Variants in CSNK1G1 observed in about 807,000 individuals in gnomAD.
CSNK1G1 encodes the protein casein kinase 1 gamma 1, also known as casein kinase I isoform gamma-1.
In CSNK1G1, 22 loss-of-function variants were observed where a neutral mutation model predicts 59.6. The ratio of observed to expected loss-of-function variants is 0.37; its 90% CI spans 0.26 to 0.53. The LOEUF (loss-of-function observed/expected upper bound fraction) is 0.53. CSNK1G1 is among the 20% of genes least tolerant of loss of function. The pLI is 0.89. For synonymous variants in CSNK1G1, 179 were observed against 177.1 expected, an observed-to-expected ratio of 1.01 and a Z score of -0.08; for missense variants, 384 against 519.5, an observed-to-expected ratio of 0.74 and a Z score of 2.54.
chr15:64,238,512 A>ATATAT (rs1555396850), intron 4 of CSNK1G1, among the ~76,000 whole-genome samples: 3 of 114,064 alleles, frequency 2.6e-5, no homozygotes, highest in African/African-American at 1.3e-4. Context: ...AAAAAAAAAA[A>ATATAT]AAAAAAATAT....
chr15:64,182,454 G>A (rs2081832210), intron 10 of CSNK1G1, among the ~76,000 whole-genome samples: 1 of 152,136 alleles, frequency 6.6e-6, no homozygotes, highest in African/African-American at 2.4e-5. Flanking sequence ...AAGAGACTAA[G>A]ACATTGTAAA....
chr15:64,199,268 A>G lies in CSNK1G1; in HGVS notation c.1107+3814T>C, dbSNP rs548403320. On this transcript the variant is annotated intron_variant, in intron 10 of 11. Coordinates refer to ENST00000303052, the MANE Select transcript of CSNK1G1 (RefSeq NM_022048.5). ...CTTTTCTCAAAAAAAAAAAAAAAAAAAAAAGAAAAAGAAAAGAAAAAGAGA... is the reference window on the plus strand; with the variant it reads ...CTTTTCTCAAAAAAAAAAAAAAAAAGAAAAGAAAAAGAAAAGAAAAAGAGA... Among the ~76,000 whole-genome samples, 56 of 145,948 alleles carry G rather than the reference A, an allele frequency of 3.8e-4. 1 individual carries two copies. The East Asian group carries it at 7.2e-3, about 19-fold the overall frequency.
chr15:64,300,530 AG>A lies in CSNK1G1; in HGVS notation c.-32del. 1 of 1,596,394 alleles carries A rather than the reference AG, an allele frequency of 6.3e-7. No individual in the cohort carries two copies. The highest frequency in any genetic ancestry group is 8.5e-7 in the Non-Finnish European group (1 of 1,170,242). ...TACAGGACAGAGTCTCCTATAGTAC[AG>A]CAAGTAGCTTCAGTATGTATACCTC... On this transcript the variant is annotated 5_prime_UTR_variant, in exon 2 of 12. Coordinates refer to ENST00000303052, the MANE Select transcript of CSNK1G1 (RefSeq NM_022048.5).
intron 10 of CSNK1G1, among the ~76,000 whole-genome samples, chr15:64,180,828 A>C (rs2081803881): frequency 6.6e-6 from 1 of 152,240 alleles, no homozygotes; most frequent in South Asian, 2.1e-4. Flanking sequence ...ATTTGTTCTA[A>C]ACACAGATTC....
intron 1 of CSNK1G1, among the ~76,000 whole-genome samples, chr15:64,322,144 A>T (rs891999281): frequency 2.0e-5 from 3 of 151,994 alleles, no homozygotes; most frequent in African/African-American, 7.3e-5. Flanking sequence ...GTAATATGTA[A>T]TATCTTCCTC....
At chr15:64,243,204 C>T (rs553144514) in intron 4 of CSNK1G1, among the ~76,000 whole-genome samples, 3 of 151,850 alleles carry the variant, frequency 2.0e-5, no homozygotes, top group Non-Finnish European at 4.4e-5. Flanking sequence ...GGTGTGGTGG[C>T]GTGAACCTGT....
chr15:64,294,502 A>C (rs1207601666), intron 2 of CSNK1G1, among the ~76,000 whole-genome samples: 1 of 152,262 alleles, frequency 6.6e-6, no homozygotes, highest in Non-Finnish European at 1.5e-5. Context: ...TAGAATTAAA[A>C]AAAAATTTTA....
At chr15:64,251,999 T>C (rs1390060788) in intron 3 of CSNK1G1, among the ~76,000 whole-genome samples, 1 of 151,988 alleles carries the variant, frequency 6.6e-6, no homozygotes, top group Non-Finnish European at 1.5e-5. Flanking sequence ...CAGAAGAAAA[T>C]TCAAATATAC....
At chr15:64,318,213 C>T (rs1055546101) in intron 1 of CSNK1G1, among the ~76,000 whole-genome samples, 1 of 151,924 alleles carries the variant, frequency 6.6e-6, no homozygotes, top group Non-Finnish European at 1.5e-5. Context: ...CCTCAAGACA[C>T]AACTGAATTA....
intron 4 of CSNK1G1, among the ~76,000 whole-genome samples, chr15:64,226,779 A>T (rs578195547): frequency 7.9e-5 from 12 of 152,262 alleles, no homozygotes; most frequent in Non-Finnish European, 1.5e-4. Flanking sequence ...AACCTAAGAA[A>T]ATACACCTGA....
At position 64,216,817 on chromosome 15, in the gene CSNK1G1, G is replaced by A. The variant is rs2082317561; in HGVS notation, c.293-104C>T. ...TAAAATATTTTTAAAAGTACAATTT[G>A]TGAGATTTCCATTTTCTTTCATAGT... is the stretch of plus-strand genomic sequence containing the variant. On this transcript the variant is annotated intron_variant, in intron 4 of 11. Coordinates refer to ENST00000303052, the MANE Select transcript of CSNK1G1 (RefSeq NM_022048.5). The surrounding 1 kb of genome is among the most constrained non-coding windows in gnomAD (Gnocchi z 4.6). 2 of 1,093,756 alleles carry A rather than the reference G, an allele frequency of 1.8e-6. No homozygotes were observed. Among genetic ancestry groups the A allele is most frequent in the East Asian group, 2.6e-5 (1 of 38,718 alleles). 67.8% of individuals were successfully genotyped at this position (1,093,756 alleles called of 1,614,324 possible). A position where few individuals can be genotyped will look rare whatever the true frequency, so the allele number is the denominator to read the frequency against.
rs1344257994 is a variant in CSNK1G1, at chr15:64,214,183, A to G, written c.445-59T>C. On this transcript the variant is annotated intron_variant, in intron 5 of 11. Coordinates refer to ENST00000303052, the MANE Select transcript of CSNK1G1 (RefSeq NM_022048.5). The surrounding 1 kb of genome is among the most constrained non-coding windows in gnomAD (Gnocchi z 4.3). ...AGAAGTATATCAGGAAAATACATCA[A>G]AACAGTTTCTTTAGCCAGACCAAGG... is the stretch of plus-strand genomic sequence containing the variant. 1.6e-6 allele frequency: 2 copies of G among 1,254,308 alleles called. No individual in the cohort carries two copies. The highest frequency in any genetic ancestry group is 1.7e-5 in the Admixed American group (1 of 57,480). The allele number at this position is 1,254,308 out of a possible 1,614,324, so 77.7% of individuals were successfully genotyped here. A position where few individuals can be genotyped will look rare whatever the true frequency, so the allele number is the denominator to read the frequency against.
rs1214349405 is a variant in CSNK1G1 at position 64,330,363 on chromosome 15, G to T, written c.-225+25625C>A. ...GGCTTCATCCCTGGGATGCAAGGCT[G>T]GTTCAATATACGCAAAGCAATAAAT... is the stretch of plus-strand genomic sequence containing the variant. On this transcript the variant is annotated intron_variant, in intron 1 of 11. Transcript: ENST00000303052. 2.9e-4 allele frequency among the ~76,000 whole-genome samples: 43 copies of T among 150,766 alleles called. No homozygotes were observed. In the East Asian group the frequency reaches 5.1e-3, roughly 18 times the overall value.
intron 6 of CSNK1G1, 30 bp downstream of exon 6, chr15:64,213,860 G>T (rs758872850): frequency 1.4e-6 from 2 of 1,397,310 alleles, no homozygotes; most frequent in East Asian, 4.6e-5. Context: ...CTAATGACTC[G>T]CCCCTTTCAT....
At chr15:64,335,677 C>G (rs903510089) in intron 1 of CSNK1G1, 3 of 152,142 alleles carry the variant, frequency 2.0e-5, no homozygotes, top group Non-Finnish European at 4.4e-5. Flanking sequence ...AACCCTATCA[C>G]AAGCTTAGTA....
intron 2 of CSNK1G1, among the ~76,000 whole-genome samples, chr15:64,283,209 C>G (rs1443221435): frequency 6.6e-6 from 1 of 152,082 alleles, no homozygotes; most frequent in East Asian, 1.9e-4. Flanking sequence ...AAATCCTTTG[C>G]CTATTCTTAA....
rs2082581727 is a variant in CSNK1G1, at chr15:64,233,934, A to AAT, written c.293-17222_293-17221insAT. Among the ~76,000 whole-genome samples the AAT allele has an allele frequency of 2.0e-5, 3 of 152,342 alleles. No homozygotes were observed. In the South Asian group the frequency reaches 6.2e-4, roughly 32 times the overall value. ...ACACTGGACTTAAGCTACAACATCA[A>AAT]TGGAAACATTTAAATATCCTTTTAA... On this transcript the variant is annotated intron_variant, in intron 4 of 11. Transcript: ENST00000303052.
At chr15:64,172,049 T>G (rs1308448013) in intron 11 of CSNK1G1, 64 bp from the exon 12 acceptor site, 51 of 1,463,084 alleles carry the variant, frequency 3.5e-5, no homozygotes, top group Non-Finnish European at 4.8e-5. Flanking sequence ...GACTTCTGCC[T>G]GCTTCTGCTT....
intron 1 of CSNK1G1, among the ~76,000 whole-genome samples, chr15:64,308,309 G>C (rs552475134): frequency 6.6e-6 from 1 of 152,048 alleles, no homozygotes; most frequent in East Asian, 1.9e-4. Context: ...ATATTGCCCA[G>C]GTTGGTCTCA....
Sources: allele counts gnomAD v4.1 joint callset (sites outside exome capture counted in the v4.1 genomes callset), GRCh38; gene constraint gnomAD v4.1.1; non-coding constraint Gnocchi (gnomAD v3.1); transcripts MANE v1.5; gene names NCBI Gene and HGNC (gene_info 2026-07-23, HGNC 2026-07-21).